The following COPG2 variants were observed in gnomAD, a reference collection of about 807,000 sequenced individuals.
The protein encoded by COPG2 is coat protein complex I subunit gamma 2.
A neutral mutation model predicts 46.3 loss-of-function variants in COPG2; 37 were observed. That is an observed-to-expected ratio of 0.80 (90% CI 0.61 to 1.05). The LOEUF (loss-of-function observed/expected upper bound fraction) is 1.05, where lower values mean the gene tolerates loss of function less well. COPG2 is among the 50% of genes least tolerant of loss of function. The pLI, the probability that COPG2 is intolerant of heterozygous loss-of-function variation, is 0.00. For missense variants in COPG2, 427 were observed against 387.8 expected (o/e 1.10, Z -0.85); for synonymous variants, 159 against 129.7 (o/e 1.23, Z -1.53).
intron 20 of COPG2, among the ~76,000 whole-genome samples, chr7:130,520,529 T>A (rs1799715520): frequency 6.6e-6 from 1 of 152,226 alleles, no homozygotes; most frequent in East Asian, 1.9e-4. Flanking sequence ...CATCTCACCA[T>A]GTACTTAGAA....
chr7:130,665,641 T>C (rs1030938852), intron 3 of COPG2, among the ~76,000 whole-genome samples: 2 of 152,082 alleles, frequency 1.3e-5, no homozygotes, highest in African/African-American at 2.4e-5. Flanking sequence ...ACAACTTATA[T>C]ATGGGAGGAT....
At chr7:130,508,200 C>T (rs782738861) in intron 21 of COPG2, 2 of 249,234 alleles carry the variant, frequency 8.0e-6, no homozygotes, top group Non-Finnish European at 1.5e-5. Context: ...AAACTAACAG[C>T]TGCTGAAGCA....
In COPG2 at chr7:130,555,055, GGA is replaced by G. The variant is rs1283130854; in HGVS notation, c.1204_1205del (p.Ser402GlnfsTer6). On this transcript the variant is annotated frameshift_variant, in exon 13 of 24. Coordinates refer to ENST00000425248, the MANE Select transcript of COPG2 (RefSeq NM_012133.6). LOFTEE classifies it high-confidence loss of function. Reference sequence around the variant, plus strand: ...TACCTACATCATCTCGGAGCATGTTGGAGAGGAAAGTCATCATGACACTGTGC... The same window carrying G: ...TACCTACATCATCTCGGAGCATGTTGGAGGAAAGTCATCATGACACTGTGC... Reference protein sequence around the residue: ...RKHSVMMTFLSNMLRDDGGFE... With the variant: ...RKHSVMMTFLXNMLRDDGGFE... The G allele has an allele frequency of 2.0e-5, 8 of 398,356 alleles. No individual in the cohort carries two copies. Among genetic ancestry groups the G allele is most frequent in the Non-Finnish European group, 3.5e-5 (8 of 226,010 alleles). The allele number at this position is 398,356 out of a possible 1,614,324, so 24.7% of individuals were successfully genotyped here.
intron 1 of COPG2, among the ~76,000 whole-genome samples, chr7:130,668,425 G>T (rs1428629377): frequency 6.7e-6 from 1 of 148,792 alleles, no homozygotes; most frequent in Non-Finnish European, 1.5e-5. Flanking sequence ...GGAGCGCGCG[G>T]CCCGAAGGGA....
At chr7:130,600,428 T>G (rs1794614458) in intron 9 of COPG2, among the ~76,000 whole-genome samples, 1 of 151,970 alleles carries the variant, frequency 6.6e-6, no homozygotes, top group Non-Finnish European at 1.5e-5. Flanking sequence ...GCCTGGCTAA[T>G]TTTTTTGTAT....
At chr7:130,576,684 C>G (rs1554446263) in intron 9 of COPG2, among the ~76,000 whole-genome samples, 1 of 152,088 alleles carries the variant, frequency 6.6e-6, no homozygotes, top group East Asian at 1.9e-4. Flanking sequence ...TAAGGATACA[C>G]CTCAAGGAAC....
chr7:130,530,932 G>A (rs1245674250), intron 20 of COPG2, among the ~76,000 whole-genome samples: 3 of 151,816 alleles, frequency 2.0e-5, no homozygotes, highest in African/African-American at 4.8e-5. Flanking sequence ...CATAGGGAAC[G>A]GAAAGTGTAA....
intron 5 of COPG2, among the ~76,000 whole-genome samples, chr7:130,630,105 G>A (rs1358676610): frequency 1.3e-5 from 2 of 151,836 alleles, no homozygotes; most frequent in African/African-American, 4.8e-5. Context: ...TAGAGATGGG[G>A]TTTCACCATG....
intron 20 of COPG2, among the ~76,000 whole-genome samples, chr7:130,514,738 A>G (rs2116340247): frequency 6.6e-6 from 1 of 152,338 alleles, no homozygotes; most frequent in East Asian, 1.9e-4. Flanking sequence ...ACAGTCCCAT[A>G]TTTGGGCCAA....
At chr7:130,655,673 C>T (rs1394252008) in intron 4 of COPG2, among the ~76,000 whole-genome samples, 1 of 152,132 alleles carries the variant, frequency 6.6e-6, no homozygotes, top group African/African-American at 2.4e-5. Context: ...GTTTTCTCAA[C>T]TCTGAGAGAG....
intron 4 of COPG2, among the ~76,000 whole-genome samples, chr7:130,653,491 T>C (rs1795790728): frequency 6.6e-6 from 1 of 152,212 alleles, no homozygotes. Flanking sequence ...GTGCAAACTC[T>C]GCACTTTCCT....
At chr7:130,613,307 C>T (rs782741063) in intron 7 of COPG2, among the ~76,000 whole-genome samples, 1 of 152,210 alleles carries the variant, frequency 6.6e-6, no homozygotes. Context: ...GCAATGCTCG[C>T]TTGCCTGCCA....
intron 12 of COPG2, 47 bp downstream of exon 12, chr7:130,560,986 G>C: frequency 2.5e-6 from 1 of 398,380 alleles, no homozygotes; most frequent in Non-Finnish European, 4.4e-6. Flanking sequence ...AAAATAAATA[G>C]GCAGCCAACA....
In COPG2 at chr7:130,588,651, C is replaced by A. The variant is rs187799582; in HGVS notation, c.737+22302G>T. On this transcript the variant is annotated intron_variant, in intron 9 of 23. Coordinates refer to ENST00000425248, the MANE Select transcript of COPG2 (RefSeq NM_012133.6). Reference sequence around the variant, plus strand: ...TCACACACTGAGGACTGTTGTGGGGCAGGGGGAGGGGGAAGGGATAGCATT... The same window carrying A: ...TCACACACTGAGGACTGTTGTGGGGAAGGGGGAGGGGGAAGGGATAGCATT... 4.9e-4 allele frequency among the ~76,000 whole-genome samples: 74 copies of A among 151,822 alleles called. 1 individual carries two copies. Among genetic ancestry groups the A allele is most frequent in the African/African-American group, 1.5e-3 (64 of 41,362 alleles).
rs1288918672 is a variant in COPG2, at chr7:130,652,950, TG to T, written c.244-3del. ...GTAGCACATTCTCCTCAATGTTTGC[TG>T]AAAAATCATTTATAAAAGGTAACAG... On this transcript the variant is annotated splice_polypyrimidine_tract_variant and splice_region_variant and intron_variant, in intron 4 of 23. Transcript: ENST00000425248. 1.9e-6 allele frequency: 3 copies of T among 1,584,586 alleles called. No individual in the cohort carries two copies. In the African/African-American group the frequency reaches 4.0e-5, roughly 21 times the overall value.
chr7:130,515,849 G>A (rs1183264700), intron 20 of COPG2, among the ~76,000 whole-genome samples: 2 of 152,096 alleles, frequency 1.3e-5, no homozygotes, highest in African/African-American at 2.4e-5. Context: ...GGGACAGGGA[G>A]AGTAGCAACT....
intron 5 of COPG2, 77 bp from the exon 6 acceptor site, chr7:130,617,142 T>C (rs1794965278): frequency 1.0e-5 from 8 of 787,556 alleles, no homozygotes; most frequent in Admixed American, 5.3e-5. Flanking sequence ...CAATTTCCAA[T>C]TGTCCCATAA....
intron 20 of COPG2, among the ~76,000 whole-genome samples, chr7:130,535,877 CAG>C (rs1208759679): frequency 3.3e-5 from 5 of 152,010 alleles, no homozygotes; most frequent in Admixed American, 6.6e-5. Flanking sequence ...GAAGAAAAAA[CAG>C]AGTAGCTCAG....
At chr7:130,551,855 TAG>T (rs1367828174) in intron 15 of COPG2, among the ~76,000 whole-genome samples, 3 of 152,202 alleles carry the variant, frequency 2.0e-5, no homozygotes, top group African/African-American at 4.8e-5. Context: ...CCTCATCAAA[TAG>T]AGTCATGAAG....
Sources: gnomAD v4.1 joint callset for allele counts (sites outside exome capture counted in the v4.1 genomes callset) on GRCh38, gnomAD v4.1.1 for gene constraint, MANE v1.5 for transcripts, NCBI Gene and HGNC (gene_info 2026-07-23, HGNC 2026-07-21) for gene names.